The following LITAF variants were observed in gnomAD, a reference collection of about 807,000 sequenced individuals.
LITAF encodes the protein lipopolysaccharide-induced tumor necrosis factor-alpha factor.
A neutral mutation model predicts 14.5 loss-of-function variants in LITAF; 9 were observed. The ratio of observed to expected loss-of-function variants is 0.62; its 90% CI spans 0.37 to 1.08. LITAF has a LOEUF of 1.08. Ranked by LOEUF, LITAF falls within the 50% of genes least tolerant of loss-of-function variation. LITAF has a pLI of 0.01. For synonymous variants in LITAF, 98 were observed against 88.2 expected, an observed-to-expected ratio of 1.11 and a Z score of -0.62; for missense variants, 206 against 213.4, an observed-to-expected ratio of 0.97 and a Z score of 0.22.
chr16:11,638,769 T>C (rs1179605220), upstream of LITAF, among the ~76,000 whole-genome samples: 1 of 148,534 alleles, frequency 6.7e-6, no homozygotes, highest in African/African-American at 2.5e-5. Flanking sequence ...CTAACTTTAA[T>C]TCCTAATGGA....
chr16:11,588,596 G>A (rs1331812793), upstream of LITAF, among the ~76,000 whole-genome samples: 4 of 112,656 alleles, frequency 3.6e-5, no homozygotes, highest in Non-Finnish European at 8.7e-5. Flanking sequence ...AAGAAGGAAG[G>A]GAGGGAGGGA....
In LITAF at chr16:11,548,210, C is replaced by T. The variant is rs2064132484; in HGVS notation, c.*1427G>A. 1 of 453,958 alleles carries T rather than the reference C, an allele frequency of 2.2e-6. No homozygotes were observed. The highest frequency in any genetic ancestry group is 1.6e-5 in the South Asian group (1 of 64,480). 28.1% of individuals were successfully genotyped at this position (453,958 alleles called of 1,614,324 possible). On this transcript the variant is annotated 3_prime_UTR_variant, in exon 4 of 4. Transcript: ENST00000622633. ...CTACATAGTAGTATTCACATGAGTT[C>T]CCTATTCTGAAGTATTATCAAAACG...
chr16:11,558,755 G>A lies in LITAF; in HGVS notation c.-5-2020C>T, dbSNP rs2064312935. On this transcript the variant is annotated intron_variant, in intron 1 of 3. Coordinates refer to ENST00000622633, the MANE Select transcript of LITAF (RefSeq NM_001136472.2). The surrounding 1 kb of genome is among the most constrained non-coding windows in gnomAD (Gnocchi z 4.1). ...GTGGAATAGAGGCGGGGGAGTGAAC[G>A]TGATAAAAAGAAAGTCAGTAAGTAA... Among the ~76,000 whole-genome samples, 1 of 152,074 alleles carries A rather than the reference G, an allele frequency of 6.6e-6. No homozygotes were observed. The highest frequency in any genetic ancestry group is 1.5e-5 in the Non-Finnish European group (1 of 68,002).
Position 11,549,173 on chromosome 16 carries a change from G to A in LITAF, c.*464C>T, listed in dbSNP as rs1394971252. 4.4e-6 allele frequency: 2 copies of A among 454,152 alleles called. No individual in the cohort carries two copies. The highest frequency in any genetic ancestry group is 6.9e-5 in the East Asian group (1 of 14,404). The allele number at this position is 454,152 out of a possible 1,614,324, so 28.1% of individuals were successfully genotyped here. A position where few individuals can be genotyped will look rare whatever the true frequency, so the allele number is the denominator to read the frequency against. On this transcript the variant is annotated 3_prime_UTR_variant, in exon 4 of 4. Transcript: ENST00000622633. The surrounding 1 kb of genome is among the most constrained non-coding windows in gnomAD (Gnocchi z 4.6). ...AGATCTTTGTCATCAGGGACGGGAAGAGACGGATAAGATAATGGTAGGCAC... is the reference window on the plus strand; with the variant it reads ...AGATCTTTGTCATCAGGGACGGGAAAAGACGGATAAGATAATGGTAGGCAC...
chr16:11,637,904 A>ATC (rs2065144764), upstream of LITAF, among the ~76,000 whole-genome samples: 17 of 60,712 alleles, frequency 2.8e-4, no homozygotes, highest in African/African-American at 1.1e-3. Context: ...AAAACTATAT[A>ATC]TATATATATC....
chr16:11,588,440 C>A (rs1429534888), upstream of LITAF, among the ~76,000 whole-genome samples: 1 of 150,588 alleles, frequency 6.6e-6, no homozygotes, highest in Non-Finnish European at 1.5e-5. Flanking sequence ...GAGGTTGAGG[C>A]TGTAGTGAGC....
At chr16:11,578,506 G>A (rs1347124700) in intron 1 of LITAF, among the ~76,000 whole-genome samples, 1 of 152,180 alleles carries the variant, frequency 6.6e-6, no homozygotes, top group Non-Finnish European at 1.5e-5. Context: ...ACTGTAGCCT[G>A]GGCAACAAGA....
chr16:11,556,355 T>TA (rs1261388919), intron 2 of LITAF, 156 bp downstream of exon 2: 6 of 644,784 alleles, frequency 9.3e-6, no homozygotes, highest in African/African-American at 1.8e-5. Context: ...ACATGGAATC[T>TA]AAAAGACTGC....
At chr16:11,599,417 T>G (rs2064914065), upstream of LITAF, among the ~76,000 whole-genome samples, 1 of 152,140 alleles carries the variant, frequency 6.6e-6, no homozygotes, top group African/African-American at 2.4e-5. Context: ...TCAGCTATTA[T>G]GATGATGGTG....
At chr16:11,613,868 C>T (rs1035425193) in intron 3 of LITAF, among the ~76,000 whole-genome samples, 2 of 152,228 alleles carry the variant, frequency 1.3e-5, no homozygotes, top group South Asian at 2.1e-4. Flanking sequence ...GTCAGATGAC[C>T]GGGCGGGCCA....
intron 3 of LITAF, among the ~76,000 whole-genome samples, chr16:11,625,287 G>T (rs1393441036): frequency 1.4e-5 from 2 of 145,648 alleles, no homozygotes; most frequent in Non-Finnish European, 3.0e-5. Flanking sequence ...TTTTGAGACA[G>T]GGTCTCGCTC....
rs1249757653 is a variant in LITAF, at chr16:11,586,337, G to A, written c.-6+549C>T. 3 of 152,276 alleles carry A rather than the reference G, an allele frequency of 2.0e-5. No individual in the cohort carries two copies. Among genetic ancestry groups the A allele is most frequent in the Admixed American group, 6.5e-5 (1 of 15,294 alleles). 9.4% of individuals were successfully genotyped at this position (152,276 alleles called of 1,614,324 possible). A position where few individuals can be genotyped will look rare whatever the true frequency, so the allele number is the denominator to read the frequency against. ...CCCAGGGGCCTCGGGTGTCCTTCCC[G>A]GATCTTGCGCGAAGTCGCGGGGGCA... is the stretch of plus-strand genomic sequence containing the variant. On this transcript the variant is annotated intron_variant, in intron 1 of 3. Transcript: ENST00000622633. The surrounding 1 kb of genome is among the most constrained non-coding windows in gnomAD (Gnocchi z 6.5).
intron 1 of LITAF, among the ~76,000 whole-genome samples, chr16:11,584,852 G>T (rs951226035): frequency 2.6e-5 from 4 of 152,158 alleles, no homozygotes; most frequent in African/African-American, 9.7e-5. Context: ...AGGAACGGAA[G>T]TAACAAAGGG....
chr16:11,621,854 G>C lies in LITAF; in HGVS notation c.85+11679C>G, dbSNP rs541591298. ...CCTAAGATCCTGCTCTCAGAGCTCC[G>C]GGGCAATGCAAACTAAGATAAGAAA... is the stretch of plus-strand genomic sequence containing the variant. On this transcript the variant is annotated intron_variant, in intron 3 of 3. Coordinates refer to the LITAF transcript ENST00000574848. Among the ~76,000 whole-genome samples the C allele has an allele frequency of 5.8e-4, 88 of 152,110 alleles. No individual in the cohort carries two copies. In the Middle Eastern group the frequency reaches 0.01, roughly 18 times the overall value.
Position 11,549,597 on chromosome 16 carries a change from C to T in LITAF, c.*40G>A. Reference sequence around the variant, plus strand: ...GAAGCTGGATGAGAGGTGGAAAGGACTTCCTGCGGCACCCGGCTCCCTCCA... The same window carrying T: ...GAAGCTGGATGAGAGGTGGAAAGGATTTCCTGCGGCACCCGGCTCCCTCCA... On this transcript the variant is annotated 3_prime_UTR_variant, in exon 4 of 4. Transcript: ENST00000622633. This position sits in a 1 kb window ranked among gnomAD's most constrained non-coding sequence, Gnocchi z 4.6. 2 of 1,498,102 alleles carry T rather than the reference C, an allele frequency of 1.3e-6. No homozygotes were observed. The highest frequency in any genetic ancestry group is 1.8e-6 in the Non-Finnish European group (2 of 1,084,094). The allele number at this position is 1,498,102 out of a possible 1,614,324, so 92.8% of individuals were successfully genotyped here.
chr16:11,622,539 C>T (rs2065057722), intron 3 of LITAF, among the ~76,000 whole-genome samples: 1 of 152,094 alleles, frequency 6.6e-6, no homozygotes, highest in South Asian at 2.1e-4. Context: ...CAGATTTCCA[C>T]CTCCCTACAC....
At chr16:11,625,565 A>G (rs1041814679) in intron 3 of LITAF, among the ~76,000 whole-genome samples, 2 of 152,090 alleles carry the variant, frequency 1.3e-5, no homozygotes, top group Admixed American at 6.6e-5. Context: ...GCCTGGCTCC[A>G]GATAAATTAC....
chr16:11,604,830 A>C (rs1274506327), intron 3 of LITAF, among the ~76,000 whole-genome samples: 6 of 151,454 alleles, frequency 4.0e-5, no homozygotes, highest in Non-Finnish European at 8.8e-5. Context: ...TGACGAGAAA[A>C]GTATAGACAT....
intron 2 of LITAF, 82 bp downstream of exon 2, chr16:11,556,429 G>C: frequency 8.1e-7 from 1 of 1,235,408 alleles, no homozygotes; most frequent in Non-Finnish European, 1.1e-6. Context: ...AGACTCTTTG[G>C]CAGAGTCACT....
Sources: allele counts gnomAD v4.1 joint callset (sites outside exome capture counted in the v4.1 genomes callset), GRCh38; gene constraint gnomAD v4.1.1; non-coding constraint Gnocchi (gnomAD v3.1); transcripts MANE v1.5; gene names NCBI Gene and HGNC (gene_info 2026-07-23, HGNC 2026-07-21).